THSD4: variants seen among roughly 807,000 people sequenced by gnomAD.
THSD4 encodes thrombospondin type-1 domain-containing protein 4.
A neutral mutation model predicts 119.0 loss-of-function variants in THSD4; 69 were observed. The ratio of observed to expected loss-of-function variants is 0.58; its 90% CI spans 0.48 to 0.71. THSD4 has a LOEUF of 0.71. Ranked by LOEUF, THSD4 falls within the 30% of genes least tolerant of loss-of-function variation. The pLI is 0.00. For missense variants in THSD4, 1,393 were observed against 1,391.1 expected (o/e 1.00, Z -0.02); for synonymous variants, 524 against 540.4 (o/e 0.97, Z 0.42).
chr15:71,646,275 T>C (rs969196593), intron 7 of THSD4, among the ~76,000 whole-genome samples: 1 of 152,196 alleles, frequency 6.6e-6, no homozygotes, highest in South Asian at 2.1e-4. Flanking sequence ...CCTCTCTGAA[T>C]AGAGGGAGCA....
chr15:71,351,039 C>G (rs1393063438), intron 6 of THSD4, among the ~76,000 whole-genome samples: 14 of 152,158 alleles, frequency 9.2e-5, no homozygotes, highest in South Asian at 2.1e-4. Context: ...TACCGATGAC[C>G]TCTGCTTGGG....
Position 71,117,194 on chromosome 15 carries a change from C to A in THSD4, c.-80+1496C>A, listed in dbSNP as rs1400870006. 3.9e-5 allele frequency among the ~76,000 whole-genome samples: 6 copies of A among 152,160 alleles called. No individual in the cohort carries two copies. The East Asian group carries it at 1.2e-3, about 29-fold the overall frequency. On this transcript the variant is annotated intron_variant, in intron 1 of 17. Coordinates refer to ENST00000261862, the MANE Select transcript of THSD4 (RefSeq NM_024817.3). ...CTCATGTGATCTCCTCTGTGCCCAG[C>A]ACTGGGCGGGGCACCAGCTTGGCAT...
intron 7 of THSD4, among the ~76,000 whole-genome samples, chr15:71,566,248 TTTCTC>T (rs1278475915): frequency 1.3e-5 from 2 of 152,082 alleles, no homozygotes; most frequent in Non-Finnish European, 2.9e-5. Context: ...GGTTGTGTGT[TTTCTC>T]TTTACAGGGA....
intron 7 of THSD4, among the ~76,000 whole-genome samples, chr15:71,555,724 G>T (rs62022767): frequency 0.35 from 52,453 of 152,028 alleles, 10,488 homozygotes; most frequent in South Asian, 0.48. Context: ...TATAGACATA[G>T]TCTCCTATAT....
chr15:71,128,483 C>T (rs984755726), intron 1 of THSD4, among the ~76,000 whole-genome samples: 6 of 149,290 alleles, frequency 4.0e-5, no homozygotes, highest in African/African-American at 9.9e-5. Flanking sequence ...GCCAAGATCA[C>T]GCCACTGCAC....
chr15:71,369,253 C>T (rs2046009760), intron 6 of THSD4, among the ~76,000 whole-genome samples: 1 of 152,164 alleles, frequency 6.6e-6, no homozygotes, highest in Non-Finnish European at 1.5e-5. Flanking sequence ...TTCCTCTTTT[C>T]CTAATTCAAT....
At chr15:71,249,108 T>A (rs1209323566) in intron 5 of THSD4, among the ~76,000 whole-genome samples, 1 of 152,130 alleles carries the variant, frequency 6.6e-6, no homozygotes, top group Non-Finnish European at 1.5e-5. Flanking sequence ...TTCATACATA[T>A]ATATATACAC....
At chr15:71,541,393 C>G (rs2048757708) in intron 7 of THSD4, among the ~76,000 whole-genome samples, 1 of 152,202 alleles carries the variant, frequency 6.6e-6, no homozygotes, top group Non-Finnish European at 1.5e-5. Context: ...TGAGACAGCA[C>G]AGATGTATAA....
At chr15:71,706,474 T>G (rs1567111056) in intron 8 of THSD4, among the ~76,000 whole-genome samples, 1 of 152,150 alleles carries the variant, frequency 6.6e-6, no homozygotes, top group South Asian at 2.1e-4. Context: ...GGACAAAAGA[T>G]ATAAATTGTG....
intron 7 of THSD4, among the ~76,000 whole-genome samples, chr15:71,520,966 A>G (rs1196828365): frequency 1.3e-5 from 2 of 152,214 alleles, no homozygotes; most frequent in African/African-American, 4.8e-5. Context: ...TTGAAGGGAA[A>G]CCTTGAGAGT....
chr15:71,199,133 C>T (rs576441410), intron 3 of THSD4, among the ~76,000 whole-genome samples: 87 of 152,312 alleles, frequency 5.7e-4, no homozygotes, highest in Non-Finnish European at 1.0e-3. Flanking sequence ...GAGGCAGACT[C>T]AGGGATACCA....
At chr15:71,382,041 A>C (rs1406711936) in intron 6 of THSD4, among the ~76,000 whole-genome samples, 2 of 152,180 alleles carry the variant, frequency 1.3e-5, no homozygotes, top group Non-Finnish European at 2.9e-5. Flanking sequence ...AAATGTCAAA[A>C]AGTTTAAAAC....
At chr15:71,307,493 C>T (rs1317415974) in intron 6 of THSD4, among the ~76,000 whole-genome samples, 2 of 152,150 alleles carry the variant, frequency 1.3e-5, no homozygotes, top group Non-Finnish European at 2.9e-5. Flanking sequence ...CCATTCAGGC[C>T]AGGCACGGTG....
In THSD4 at chr15:71,402,101, G is replaced by C. The variant is rs531766858; in HGVS notation, c.1016-9586G>C. On this transcript the variant is annotated intron_variant, in intron 6 of 17. Transcript: ENST00000261862. ...GGAACATCACACACTGGGGCCTGTC[G>C]TGGGGTGGGGGGATGGGGGAGGGAT... Among the ~76,000 whole-genome samples the C allele has an allele frequency of 8.0e-5, 12 of 150,220 alleles. No homozygotes were observed. The South Asian group carries it at 2.4e-3, about 29-fold the overall frequency.
intron 7 of THSD4, among the ~76,000 whole-genome samples, chr15:71,563,623 TAAAGAA>T (rs1244519970): frequency 3.3e-5 from 5 of 151,238 alleles, no homozygotes; most frequent in Non-Finnish European, 7.4e-5. Flanking sequence ...AGACAGACAG[TAAAGAA>T]AAAGTCCACA....
At chr15:71,676,424 G>A (rs538678781) in intron 8 of THSD4, among the ~76,000 whole-genome samples, 1 of 152,212 alleles carries the variant, frequency 6.6e-6, no homozygotes, top group Non-Finnish European at 1.5e-5. Flanking sequence ...TGGGACTACA[G>A]GCATGCACCA....
At chr15:71,763,247 G>A (rs893796318) in intron 15 of THSD4, among the ~76,000 whole-genome samples, 3 of 146,526 alleles carry the variant, frequency 2.0e-5, no homozygotes, top group South Asian at 2.1e-4. Flanking sequence ...CTGTAGATGC[G>A]TGTTTTTCTT....
intron 6 of THSD4, among the ~76,000 whole-genome samples, chr15:71,360,448 G>A (rs2045879313): frequency 6.6e-6 from 1 of 152,162 alleles, no homozygotes; most frequent in African/African-American, 2.4e-5. Flanking sequence ...TATGCATACA[G>A]TGAGGGAAGA....
chr15:71,687,059 T>C (rs1303141622), intron 8 of THSD4, among the ~76,000 whole-genome samples: 1 of 152,214 alleles, frequency 6.6e-6, no homozygotes, highest in Non-Finnish European at 1.5e-5. Context: ...ATCCTGCCTG[T>C]TGGCTGGTAC....
Sources: gnomAD v4.1 joint callset for allele counts (sites outside exome capture counted in the v4.1 genomes callset) on GRCh38, gnomAD v4.1.1 for gene constraint, MANE v1.5 for transcripts, NCBI Gene and HGNC (gene_info 2026-07-23, HGNC 2026-07-21) for gene names.